The following FBXL13 variants were observed in gnomAD, a reference collection of about 807,000 sequenced individuals.
FBXL13 encodes F-box and leucine-rich repeat protein 13.
A neutral mutation model predicts 83.6 loss-of-function variants in FBXL13; 67 were observed. The ratio of observed to expected loss-of-function variants is 0.80; its 90% confidence interval spans 0.66 to 0.98. The LOEUF (loss-of-function observed/expected upper bound fraction) is 0.98. Ranked by LOEUF, FBXL13 falls within the 50% of genes least tolerant of loss-of-function variation. The probability of loss-of-function intolerance (pLI) is 0.00; values close to 1 mark genes in which losing one functional copy is unlikely to be tolerated. For missense variants in FBXL13, 822 were observed against 866.5 expected, an observed-to-expected ratio of 0.95 and a Z score of 0.64; for synonymous variants, 272 against 299.5, an observed-to-expected ratio of 0.91 and a Z score of 0.95.
chr7:102,950,864 T>C (rs1004111439), intron 8 of FBXL13, among the ~76,000 whole-genome samples: 3 of 152,030 alleles, frequency 2.0e-5, no homozygotes, highest in Non-Finnish European at 4.4e-5. Flanking sequence ...TGAGGGGGGA[T>C]GACCAAGCAG....
intron 6 of FBXL13, among the ~76,000 whole-genome samples, chr7:102,991,770 C>A (rs1325235057): frequency 6.6e-6 from 1 of 152,166 alleles, no homozygotes; most frequent in Non-Finnish European, 1.5e-5. Context: ...AAATTAGGTT[C>A]CACCAACCAT....
intron 10 of FBXL13, among the ~76,000 whole-genome samples, chr7:102,916,512 T>G (rs1815897988): frequency 6.6e-6 from 1 of 152,190 alleles, no homozygotes; most frequent in Non-Finnish European, 1.5e-5. Flanking sequence ...GAATCTTGGG[T>G]GGCCCTGTAG....
intron 7 of FBXL13, among the ~76,000 whole-genome samples, chr7:102,964,082 G>A (rs550922215): frequency 7.2e-5 from 11 of 152,060 alleles, no homozygotes; most frequent in South Asian, 2.1e-4. Context: ...AGGCCAAAGC[G>A]GGCGGATCAC....
rs773745721 is a variant in FBXL13 at position 102,944,410 on chromosome 7, G to A, written c.725-12477C>T. Reference sequence around the variant, plus strand: ...CTACAATGTCCATTTTAATGGCCTGGAATGCAAAACGCCTGAAGAATACAA... The same window carrying A: ...CTACAATGTCCATTTTAATGGCCTGAAATGCAAAACGCCTGAAGAATACAA... On this transcript the variant is annotated intron_variant, in intron 8 of 19. Coordinates refer to ENST00000313221, the Ensembl canonical transcript of FBXL13. 10 of 1,613,874 alleles carry A rather than the reference G, an allele frequency of 6.2e-6. No individual in the cohort carries two copies. In the South Asian group the frequency reaches 1.1e-4, roughly 18 times the overall value.
chr7:102,827,848 C>T (rs1800014670), intron 18 of FBXL13, among the ~76,000 whole-genome samples: 1 of 152,010 alleles, frequency 6.6e-6, no homozygotes, highest in Admixed American at 6.6e-5. Flanking sequence ...GAATCCTTTC[C>T]CCATTTCTTG....
intron 6 of FBXL13, among the ~76,000 whole-genome samples, chr7:102,985,636 CA>C (rs1476135069): frequency 6.6e-6 from 1 of 152,070 alleles, no homozygotes; most frequent in Non-Finnish European, 1.5e-5. Context: ...GAATCAGAAC[CA>C]AAATCAACAA....
intron 17 of FBXL13, among the ~76,000 whole-genome samples, chr7:102,839,637 CA>C (rs1039987041): frequency 6.6e-6 from 1 of 152,088 alleles, no homozygotes; most frequent in African/African-American, 2.4e-5. Context: ...TAAGTAGAGA[CA>C]GGGTTTCACC....
intron 16 of FBXL13, among the ~76,000 whole-genome samples, chr7:102,856,233 A>G (rs1806032323): frequency 2.6e-5 from 4 of 152,328 alleles, no homozygotes; most frequent in Admixed American, 2.6e-4. Flanking sequence ...AATCCTGTGG[A>G]GCCATCACAT....
chr7:102,913,210 A>T (rs1341236968), exon 11 of FBXL13: 2 of 1,614,166 alleles, frequency 1.2e-6, no homozygotes, highest in Admixed American at 3.3e-5. Flanking sequence ...TAAGTTGTGG[A>T]AGTGCCTGAA....
At chr7:102,933,742 T>C (rs978566274) in intron 8 of FBXL13, 1 of 614,126 alleles carries the variant, frequency 1.6e-6, no homozygotes, top group African/African-American at 1.8e-5. Context: ...CAATGGGCCT[T>C]AATTTTTAAT....
chr7:102,843,839 G>A (rs1803457123), intron 17 of FBXL13, among the ~76,000 whole-genome samples: 1 of 152,100 alleles, frequency 6.6e-6, no homozygotes, highest in South Asian at 2.1e-4. Flanking sequence ...GCAAGATTGA[G>A]GGTCTCAAAA....
intron 6 of FBXL13, among the ~76,000 whole-genome samples, chr7:103,000,667 A>G (rs992271527): frequency 1.3e-5 from 2 of 152,176 alleles, no homozygotes; most frequent in Non-Finnish European, 2.9e-5. Context: ...TGATTTGTCC[A>G]TTACTCAGAG....
At chr7:103,021,871 C>T (rs891838921) in intron 6 of FBXL13, among the ~76,000 whole-genome samples, 14 of 152,186 alleles carry the variant, frequency 9.2e-5, no homozygotes, top group Non-Finnish European at 1.6e-4. Flanking sequence ...AACACTTTTA[C>T]ACCGTTGGTG....
At chr7:102,924,337 G>A (rs1159347385) in intron 10 of FBXL13, among the ~76,000 whole-genome samples, 2 of 151,776 alleles carry the variant, frequency 1.3e-5, no homozygotes, top group African/African-American at 4.8e-5. Flanking sequence ...CCCTGATTTA[G>A]ATCATCACTT....
intron 6 of FBXL13, among the ~76,000 whole-genome samples, chr7:103,019,804 C>T (rs1792900764): frequency 6.6e-6 from 1 of 152,164 alleles, no homozygotes; most frequent in Non-Finnish European, 1.5e-5. Context: ...AGACCAATAA[C>T]AGGCTCTGAA....
chr7:102,985,175 A>G (rs888654618), intron 6 of FBXL13, among the ~76,000 whole-genome samples: 3 of 152,132 alleles, frequency 2.0e-5, no homozygotes, highest in African/African-American at 7.2e-5. Context: ...ACTGTGTTGT[A>G]CCTATCTGCA....
intron 10 of FBXL13, among the ~76,000 whole-genome samples, chr7:102,915,108 G>A (rs976833230): frequency 1.3e-5 from 2 of 150,400 alleles, no homozygotes; most frequent in Admixed American, 6.6e-5. Flanking sequence ...CATTTGTTAA[G>A]TGGAGATTAA....
chr7:103,061,631 CA>C (rs1045332883), intron 1 of FBXL13, among the ~76,000 whole-genome samples: 10 of 152,126 alleles, frequency 6.6e-5, no homozygotes, highest in Admixed American at 6.5e-4. Context: ...ATACGTGCAG[CA>C]ATTAGTCTCT....
At position 103,034,715 on chromosome 7, in the gene FBXL13, C is replaced by T. The variant is rs1010857951; in HGVS notation, c.1-5297G>A. Among the ~76,000 whole-genome samples, 19 of 152,362 alleles carry T rather than the reference C, an allele frequency of 1.2e-4. 1 individual carries two copies. The highest frequency in any genetic ancestry group is 3.4e-3 in the Middle Eastern group (1 of 294). ...AAAGTGGGAGCCCAGGCAGAGGAGG[C>T]GCCGAGAGCGAACGAGGGCTGCGAG... On this transcript the variant is annotated intron_variant, in intron 2 of 19. Transcript: ENST00000313221.
Sources: allele counts gnomAD v4.1 joint callset (sites outside exome capture counted in the v4.1 genomes callset), GRCh38; gene constraint gnomAD v4.1.1; transcripts MANE v1.5; gene names NCBI Gene and HGNC (gene_info 2026-07-23, HGNC 2026-07-21).